TTC19: variants seen among roughly 807,000 people sequenced by gnomAD.
The protein encoded by TTC19 is tetratricopeptide repeat protein 19, mitochondrial.
Under a neutral mutation model 49.5 loss-of-function variants are expected in TTC19, and 38 were observed. That is an observed-to-expected ratio of 0.77 (90% CI 0.59 to 1.01). The LOEUF is 1.01. TTC19 is among the 50% of genes least tolerant of loss of function. The pLI, the probability that TTC19 is intolerant of heterozygous loss-of-function variation, is 0.00. For missense variants in TTC19, 475 were observed against 477.7 expected (o/e 0.99, Z 0.05); for synonymous variants, 204 against 185.2 (o/e 1.10, Z -0.83).
At chr17:16,040,856 T>C in intron 2 of TTC19, 1 of 222,506 alleles carries the variant, frequency 4.5e-6, no homozygotes, top group Non-Finnish European at 9.0e-6. Flanking sequence ...ACAGTGAGAC[T>C]CTCCCATCTG....
downstream of TTC19, among the ~76,000 whole-genome samples, chr17:16,033,559 C>T (rs1972977461): frequency 6.6e-6 from 1 of 152,152 alleles, no homozygotes; most frequent in Non-Finnish European, 1.5e-5. Context: ...GGGAAGGGCA[C>T]ATTTCAGATT....
exon 3 of TTC19, chr17:16,044,546 G>C: frequency 2.0e-6 from 1 of 499,936 alleles, no homozygotes; most frequent in Non-Finnish European, 4.1e-6. Context: ...CTAAGGCCAC[G>C]TTGGGATGAG....
chr17:16,034,135 A>T (rs1436398763), downstream of TTC19, among the ~76,000 whole-genome samples: 1 of 152,250 alleles, frequency 6.6e-6, no homozygotes, highest in African/African-American at 2.4e-5. Flanking sequence ...TACAGTTCTC[A>T]AAAGAACTAA....
At chr17:16,010,366 G>A (rs1223240926) in intron 7 of TTC19, among the ~76,000 whole-genome samples, 1 of 150,802 alleles carries the variant, frequency 6.6e-6, no homozygotes, top group African/African-American at 2.4e-5. Context: ...TAGAGACAGG[G>A]TTTCACCATG....
intron 7 of TTC19, among the ~76,000 whole-genome samples, chr17:16,018,920 T>G (rs1443779922): frequency 6.6e-6 from 1 of 152,232 alleles, no homozygotes; most frequent in Non-Finnish European, 1.5e-5. Context: ...TTTACCATAT[T>G]TGCTTTAGAA....
rs1970662633 is a variant in TTC19, at chr17:15,999,918, T to C, written c.70T>C (p.Cys24Arg). 7.4e-7 allele frequency: 1 copy of C among 1,356,106 alleles called. No homozygotes were observed. The highest frequency in any genetic ancestry group is 1.8e-5 in the South Asian group (1 of 55,274). 84.0% of individuals were successfully genotyped at this position (1,356,106 alleles called of 1,614,324 possible). A position where few individuals can be genotyped will look rare whatever the true frequency, so the allele number is the denominator to read the frequency against. ...GGCCGCGGGGCGGCGGTGCCGGGGCTGCTCCGCGCGCCTGCTCCCGGGGCT... is the reference window on the plus strand; with the variant it reads ...GGCCGCGGGGCGGCGGTGCCGGGGCCGCTCCGCGCGCCTGCTCCCGGGGCT... ...LRAAGRRCRG[C>R]SARLLPGLAG... is the part of the protein sequence containing the mutation. Residue 24 changes from cysteine (C) to arginine (R), a missense_variant, in exon 1 of 10, where the codon TGC (cysteine) becomes CGC (arginine). By Grantham distance (180) the Cys-to-Arg change is radical. Transcript: ENST00000261647.
chr17:16,041,797 T>C (rs1042652429), intron 2 of TTC19, among the ~76,000 whole-genome samples: 7 of 150,720 alleles, frequency 4.6e-5, no homozygotes, highest in African/African-American at 7.3e-5. Context: ...AGTGCAGCGG[T>C]GCGATCTTGG....
intron 7 of TTC19, among the ~76,000 whole-genome samples, chr17:16,008,132 C>G (rs1970965092): frequency 6.6e-6 from 1 of 152,200 alleles, no homozygotes; most frequent in Non-Finnish European, 1.5e-5. Context: ...TCTCTTTTCT[C>G]TCTGCCCCAA....
chr17:16,034,995 T>G, intron 2 of TTC19: 3 of 1,544,112 alleles, frequency 1.9e-6, no homozygotes. Flanking sequence ...TCTCAAAAAT[T>G]ACCAAAATGC....
At position 16,006,508 on chromosome 17, in the gene TTC19, A is replaced by G. The variant is rs1725600510; in HGVS notation, c.616A>G (p.Ile206Val). The G allele has an allele frequency of 6.2e-7, 1 of 1,613,816 alleles. No individual in the cohort carries two copies. Among genetic ancestry groups the G allele is most frequent in the Non-Finnish European group, 8.5e-7 (1 of 1,179,758 alleles). ...EFAVAGYEFCISTLEEKIERE... is the reference protein window; with the variant it reads ...EFAVAGYEFCVSTLEEKIERE... Reference sequence around the variant, plus strand: ...TGCTGTTGCTGGCTATGAATTCTGCATTTCAACTCTAGAGGAAAAAATTGA... The same window carrying G: ...TGCTGTTGCTGGCTATGAATTCTGCGTTTCAACTCTAGAGGAAAAAATTGA... The change falls in exon 7 of 10, where the codon ATT (isoleucine) becomes GTT (valine). Residue 206 changes from isoleucine to valine, a missense_variant. Coordinates refer to ENST00000261647, the MANE Select transcript of TTC19 (RefSeq NM_017775.4).
At chr17:16,017,757 A>G (rs9897542) in intron 7 of TTC19, among the ~76,000 whole-genome samples, 90,201 of 152,042 alleles carry the variant, frequency 0.59, 27,481 homozygotes, top group African/African-American at 0.69. Context: ...GCGAAACTCC[A>G]TCTCAAACAA....
intron 7 of TTC19, among the ~76,000 whole-genome samples, chr17:16,018,507 ATTTGTTT>A (rs1418000217): frequency 1.3e-5 from 2 of 151,666 alleles, no homozygotes; most frequent in East Asian, 1.9e-4. Context: ...TTTTCTTTTG[ATTTGTTT>A]TTTGTTTTTT....
At position 16,028,575 on chromosome 17, in the gene TTC19, C is replaced by T. The variant is rs1362894542; in HGVS notation, c.*1053C>T. The stretch of plus-strand genomic sequence containing the variant: ...CACTGTCTCAAAGTATGTAAAGATA[C>T]ATAGGTGGATGCTCTTACTGCAGCA... On this transcript the variant is annotated 3_prime_UTR_variant, in exon 10 of 10. Transcript: ENST00000261647. 4 of 453,902 alleles carry T rather than the reference C, an allele frequency of 8.8e-6. No individual in the cohort carries two copies. Among genetic ancestry groups the T allele is most frequent in the Non-Finnish European group, 1.3e-5 (3 of 226,746 alleles). 28.1% of individuals were successfully genotyped at this position (453,902 alleles called of 1,614,324 possible). A position where few individuals can be genotyped will look rare whatever the true frequency, so the allele number is the denominator to read the frequency against.
At chr17:16,011,672 A>G (rs7220790) in intron 7 of TTC19, among the ~76,000 whole-genome samples, 24,732 of 152,114 alleles carry the variant, frequency 0.16, 4,524 homozygotes, top group African/African-American at 0.45. Flanking sequence ...GTTGATGACT[A>G]TTGCCAAATT....
Position 15,999,916 on chromosome 17 carries a change from G to A in TTC19, c.68G>A (p.Gly23Asp), listed in dbSNP as rs1970662483. The change falls in exon 1 of 10, where the codon GGC (glycine) becomes GAC (aspartate). Residue 23 changes from glycine to aspartate, a missense_variant. By Grantham distance (94) the Gly-to-Asp change is moderately conservative (BLOSUM62 -1). Coordinates refer to ENST00000261647, the MANE Select transcript of TTC19 (RefSeq NM_017775.4). ...FLRAAGRRCR[G>D]CSARLLPGLA... is the part of the protein sequence containing the mutation. Reference sequence around the variant, plus strand: ...CGGGCCGCGGGGCGGCGGTGCCGGGGCTGCTCCGCGCGCCTGCTCCCGGGG... The same window carrying A: ...CGGGCCGCGGGGCGGCGGTGCCGGGACTGCTCCGCGCGCCTGCTCCCGGGG... The A allele has an allele frequency of 7.4e-7, 1 of 1,356,916 alleles. No homozygotes were observed. Among genetic ancestry groups the A allele is most frequent in the Non-Finnish European group, 9.4e-7 (1 of 1,063,486 alleles). The allele number at this position is 1,356,916 out of a possible 1,614,324, so 84.1% of individuals were successfully genotyped here.
chr17:16,000,393 CGA>C, intron 2 of TTC19, 148 bp downstream of exon 2: 1 of 1,497,382 alleles, frequency 6.7e-7, no homozygotes, highest in Non-Finnish European at 8.9e-7. Flanking sequence ...GTGGGTCATC[CGA>C]GAGGGGATTG....
At chr17:16,032,250 A>G, downstream of TTC19, 1 of 1,506,754 alleles carries the variant, frequency 6.6e-7, no homozygotes, top group African/African-American at 1.4e-5. Flanking sequence ...AACCACAAAA[A>G]CTAGAGATCC....
chr17:16,026,888 AACTT>A, intron 9 of TTC19, 186 bp downstream of exon 9: 1 of 698,854 alleles, frequency 1.4e-6, no homozygotes, highest in Middle Eastern at 3.8e-4. Flanking sequence ...CAATTCACGT[AACTT>A]CTACAGACCT....
rs914923488 is a variant in TTC19, at chr17:16,027,404, A to C, written c.1025A>C (p.Gln342Pro). ...TATACACAAGCAAAAGAGATCTACC[A>C]GGAAGCACTGAAGCAAGCAAAGCTG... ...ERYTQAKEIY[Q>P]EALKQAKLKK... The change falls in exon 10 of 10, where the codon CAG becomes CCG. Residue 342 changes from glutamine (Q) to proline (P), a missense_variant. Transcript: ENST00000261647. 2 of 1,614,032 alleles carry C rather than the reference A, an allele frequency of 1.2e-6. No individual in the cohort carries two copies. Among genetic ancestry groups the C allele is most frequent in the African/African-American group, 2.7e-5 (2 of 74,944 alleles).
Sources: allele counts gnomAD v4.1 joint callset (sites outside exome capture counted in the v4.1 genomes callset), GRCh38; gene constraint gnomAD v4.1.1; transcripts MANE v1.5; gene names NCBI Gene and HGNC (gene_info 2026-07-23, HGNC 2026-07-21).